ANK3: variants seen among roughly 807,000 people sequenced by gnomAD.
ANK3 encodes ankyrin 3.
In ANK3, 57 loss-of-function variants were observed where a neutral mutation model predicts 370.9. The ratio of observed to expected loss-of-function variants is 0.15; its 90% CI spans 0.12 to 0.19. The LOEUF (loss-of-function observed/expected upper bound fraction) is 0.19. Ranked by LOEUF, ANK3 falls within the 10% of genes least tolerant of loss-of-function variation. The pLI is 1.00. For synonymous variants in ANK3, 1,929 were observed against 1,946.3 expected (o/e 0.99, Z 0.23); for missense variants, 4,439 against 5,302.1 (o/e 0.84, Z 5.06).
chr10:60,549,776 A>G (rs903239386), intron 2 of ANK3, among the ~76,000 whole-genome samples: 7 of 152,190 alleles, frequency 4.6e-5, no homozygotes, highest in African/African-American at 1.7e-4. Context: ...GAGGAGATCC[A>G]AAGCAGTACA....
intron 2 of ANK3, among the ~76,000 whole-genome samples, chr10:60,467,516 G>A (rs1368603428): frequency 6.6e-6 from 1 of 152,046 alleles, no homozygotes; most frequent in Non-Finnish European, 1.5e-5. Context: ...ACAGGTTTAC[G>A]TTTATGATAT....
chr10:60,368,089 C>T (rs2132768724), intron 1 of ANK3, among the ~76,000 whole-genome samples: 1 of 152,218 alleles, frequency 6.6e-6, no homozygotes, highest in East Asian at 1.9e-4. Flanking sequence ...GCCCTGTATC[C>T]TAGAATTGTG....
intron 1 of ANK3, among the ~76,000 whole-genome samples, chr10:60,633,676 A>G (rs1837946): frequency 0.68 from 103,182 of 152,022 alleles, 35,132 homozygotes; most frequent in South Asian, 0.82. Flanking sequence ...GGAGGTCAGG[A>G]CATTGGGTAA....
chr10:60,064,413 A>T, intron 38 of ANK3, 125 bp from the exon 39 acceptor site: 1 of 1,004,994 alleles, frequency 1.0e-6, no homozygotes, highest in South Asian at 1.6e-5. Flanking sequence ...GTACAGCCTC[A>T]GGAATTAATT....
In ANK3 at chr10:60,523,581, T is replaced by C. The variant is rs532416615; in HGVS notation, c.96+91605A>G. Reference sequence around the variant, plus strand: ...ACAAAGGACATGAACTCATCATTTTTTATGGCTGCATAGTATTCCATGGTG... The same window carrying C: ...ACAAAGGACATGAACTCATCATTTTCTATGGCTGCATAGTATTCCATGGTG... On this transcript the variant is annotated intron_variant, in intron 2 of 43. Transcript: ENST00000373827. Among the ~76,000 whole-genome samples, 116 of 152,192 alleles carry C rather than the reference T, an allele frequency of 7.6e-4. 1 individual carries two copies. The highest frequency in any genetic ancestry group is 7.1e-3 in the Admixed American group (108 of 15,272).
chr10:60,343,208 T>A (rs571727380), intron 1 of ANK3, among the ~76,000 whole-genome samples: 58 of 152,310 alleles, frequency 3.8e-4, no homozygotes, highest in Middle Eastern at 3.4e-3. Context: ...TATATATACA[T>A]TATTAGATAA....
intron 1 of ANK3, among the ~76,000 whole-genome samples, chr10:60,663,735 A>T (rs1283221740): frequency 6.6e-6 from 1 of 152,250 alleles, no homozygotes; most frequent in African/African-American, 2.4e-5. Context: ...AATTATTTTA[A>T]TTCTTTCATC....
At chr10:60,679,391 T>G (rs61385428) in intron 1 of ANK3, among the ~76,000 whole-genome samples, 1,752 of 152,174 alleles carry the variant, frequency 0.012, 33 homozygotes, top group African/African-American at 0.04. Context: ...TGACCCCAAG[T>G]AAAGGCAATC....
At chr10:60,672,566 C>T (rs1156777526) in intron 1 of ANK3, among the ~76,000 whole-genome samples, 2 of 152,180 alleles carry the variant, frequency 1.3e-5, no homozygotes, top group Non-Finnish European at 2.9e-5. Flanking sequence ...ACAGAAGCTC[C>T]AGTGCTCAGG....
chr10:60,198,664 A>C, intron 13 of ANK3, 127 bp from the exon 14 acceptor site: 1 of 786,560 alleles, frequency 1.3e-6, no homozygotes, highest in Non-Finnish European at 2.1e-6. Context: ...AATGCTAAAA[A>C]AACTCATTTG....
At chr10:60,154,178 A>C in intron 23 of ANK3, among the ~76,000 whole-genome samples, 1 of 152,232 alleles carries the variant, frequency 6.6e-6, no homozygotes, top group East Asian at 1.9e-4. Flanking sequence ...AAATGATATA[A>C]GAGGTTCTTG....
intron 24 of ANK3, among the ~76,000 whole-genome samples, chr10:60,135,768 T>C (rs899447655): frequency 2.0e-5 from 3 of 152,236 alleles, no homozygotes; most frequent in East Asian, 1.9e-4. Flanking sequence ...CCTGCTATAC[T>C]AAAGAAAATC....
chr10:60,403,206 C>A (rs2063386714), intron 2 of ANK3, among the ~76,000 whole-genome samples: 1 of 152,066 alleles, frequency 6.6e-6, no homozygotes, highest in Admixed American at 6.5e-5. Context: ...ACAATCATTA[C>A]AAAAACAATT....
intron 7 of ANK3, 33 bp downstream of exon 7, chr10:60,261,826 C>T: frequency 1.3e-6 from 2 of 1,585,992 alleles, no homozygotes; most frequent in Non-Finnish European, 1.7e-6. Flanking sequence ...GTTGCAAATG[C>T]TTTAAAGGTA....
At chr10:60,307,194 A>G (rs530636350) in intron 1 of ANK3, among the ~76,000 whole-genome samples, 23 of 152,366 alleles carry the variant, frequency 1.5e-4, no homozygotes, top group Non-Finnish European at 2.8e-4. Context: ...TCATACTACA[A>G]TGACAGAATT....
At chr10:60,636,743 T>G (rs1345137241) in intron 1 of ANK3, among the ~76,000 whole-genome samples, 1 of 152,128 alleles carries the variant, frequency 6.6e-6, no homozygotes, top group Non-Finnish European at 1.5e-5. Context: ...CCTACTCTCC[T>G]AAAAAACAAG....
At chr10:60,665,079 C>T (rs1056513785) in intron 1 of ANK3, among the ~76,000 whole-genome samples, 1 of 152,136 alleles carries the variant, frequency 6.6e-6, no homozygotes, top group African/African-American at 2.4e-5. Context: ...TCAGCTGCTT[C>T]CCAGCCCCAT....
intron 1 of ANK3, among the ~76,000 whole-genome samples, chr10:60,383,433 G>A (rs1006022917): frequency 1.3e-5 from 2 of 152,088 alleles, no homozygotes; most frequent in African/African-American, 4.8e-5. Flanking sequence ...CTTCCCCAAG[G>A]TCAACAGCTA....
intron 16 of ANK3, among the ~76,000 whole-genome samples, chr10:60,194,815 C>T (rs2096558277): frequency 6.6e-6 from 1 of 152,074 alleles, no homozygotes; most frequent in African/African-American, 2.4e-5. Flanking sequence ...AGATTAAAAG[C>T]AAGTTTGGGA....
Sources: gnomAD v4.1 joint callset for allele counts (sites outside exome capture counted in the v4.1 genomes callset) on GRCh38, gnomAD v4.1.1 for gene constraint, MANE v1.5 for transcripts, NCBI Gene and HGNC (gene_info 2026-07-23, HGNC 2026-07-21) for gene names.